The following TRIB3 variants were observed in gnomAD, a reference collection of about 807,000 sequenced individuals.
The protein encoded by TRIB3 is tribbles homolog 3.
A neutral mutation model predicts 16.6 loss-of-function variants in TRIB3; 20 were observed. The observed-to-expected ratio is 1.20, with a 90% CI of 0.85 to 1.75. The LOEUF (loss-of-function observed/expected upper bound fraction) is 1.75, where lower values mean the gene tolerates loss of function less well. Ranked by LOEUF, TRIB3 falls within the 40% of genes most tolerant of loss-of-function variation. The pLI, the probability that TRIB3 is intolerant of heterozygous loss-of-function variation, is 0.00. For missense variants in TRIB3, 484 were observed against 488.9 expected (o/e 0.99, Z 0.10); for synonymous variants, 208 against 217.0 (o/e 0.96, Z 0.36).
At chr20:384,646 GC>G (rs2014751382) in intron 1 of TRIB3, among the ~76,000 whole-genome samples, 2 of 152,226 alleles carry the variant, frequency 1.3e-5, no homozygotes, top group South Asian at 4.1e-4. Context: ...ACAGGCATGA[GC>G]CACTGCGCCC....
intron 3 of TRIB3, among the ~76,000 whole-genome samples, chr20:392,473 C>T (rs1353447354): frequency 1.3e-5 from 2 of 152,248 alleles, no homozygotes; most frequent in Non-Finnish European, 2.9e-5. Context: ...CTGAGGTTCC[C>T]CACACGGGAA....
intron 3 of TRIB3, among the ~76,000 whole-genome samples, chr20:393,066 T>C (rs2015023906): frequency 7.3e-5 from 7 of 95,900 alleles, no homozygotes. Context: ...TTTAGACTTT[T>C]AGAAAACCTA....
At chr20:388,476 C>T (rs1342208827) in intron 2 of TRIB3, among the ~76,000 whole-genome samples, 175 bp downstream of exon 2, 2 of 152,170 alleles carry the variant, frequency 1.3e-5, no homozygotes, top group African/African-American at 2.4e-5. Context: ...AACCAGAGGT[C>T]GTCCCAGTCC....
intron 1 of TRIB3, among the ~76,000 whole-genome samples, chr20:384,501 C>T (rs568758918): frequency 2.0e-4 from 30 of 152,152 alleles, no homozygotes; most frequent in African/African-American, 4.3e-4. Context: ...GTAGCTGGGA[C>T]TACAGGCATG....
At chr20:389,914 A>G (rs1212143749) in intron 2 of TRIB3, among the ~76,000 whole-genome samples, 1 of 152,148 alleles carries the variant, frequency 6.6e-6, no homozygotes, top group Non-Finnish European at 1.5e-5. Flanking sequence ...ATTCAACACA[A>G]CTTCATTGAG....
chr20:383,795 C>G (rs2014724088), intron 1 of TRIB3, among the ~76,000 whole-genome samples: 1 of 152,086 alleles, frequency 6.6e-6, no homozygotes, highest in South Asian at 2.1e-4. Flanking sequence ...ACCTTTTATC[C>G]TCCCACTAGC....
At chr20:391,719 T>A in intron 3 of TRIB3, 140 bp downstream of exon 3, 1 of 1,195,142 alleles carries the variant, frequency 8.4e-7, no homozygotes, top group Non-Finnish European at 1.1e-6. Context: ...CCTGTTTAGT[T>A]CCCTGAGAAG....
intron 3 of TRIB3, among the ~76,000 whole-genome samples, chr20:395,864 T>G (rs1307581934): frequency 1.3e-5 from 2 of 152,164 alleles, no homozygotes; most frequent in Admixed American, 6.5e-5. Context: ...TTCTCTCATC[T>G]TATTACCTGC....
chr20:386,796 C>T (rs1157366560), intron 1 of TRIB3, among the ~76,000 whole-genome samples: 1 of 152,084 alleles, frequency 6.6e-6, no homozygotes, highest in Non-Finnish European at 1.5e-5. Flanking sequence ...TGGTCTCAAA[C>T]TCCTGACCTC....
intron 1 of TRIB3, chr20:385,547 C>T (rs1312180568): frequency 6.6e-6 from 1 of 151,964 alleles, no homozygotes; most frequent in Admixed American, 6.6e-5. Flanking sequence ...ACAGCGGCAT[C>T]AACTTCACCT....
intron 3 of TRIB3, among the ~76,000 whole-genome samples, chr20:395,714 T>C (rs1188327718): frequency 6.6e-6 from 1 of 152,090 alleles, no homozygotes; most frequent in Non-Finnish European, 1.5e-5. Context: ...TTGCAGGCTG[T>C]AGCCTAGATA....
chr20:382,117 GTGT>G (rs1263268187), intron 1 of TRIB3, among the ~76,000 whole-genome samples: 1 of 137,870 alleles, frequency 7.3e-6, no homozygotes, highest in Non-Finnish European at 1.6e-5. Flanking sequence ...GTGTGTGTGT[GTGT>G]GTGTGTGCGT....
intron 1 of TRIB3, among the ~76,000 whole-genome samples, chr20:387,404 T>C (rs1326125954): frequency 1.3e-5 from 2 of 151,900 alleles, no homozygotes; most frequent in Non-Finnish European, 2.9e-5. Context: ...TACATACATA[T>C]ATATAACATA....
chr20:383,071 T>C (rs948126880), intron 1 of TRIB3, among the ~76,000 whole-genome samples: 14 of 152,208 alleles, frequency 9.2e-5, no homozygotes, highest in African/African-American at 3.1e-4. Context: ...GGTGGGCAGA[T>C]GGGTTCTAGA....
chr20:385,768 C>T (rs1334097026), intron 1 of TRIB3: 1 of 152,040 alleles, frequency 6.6e-6, no homozygotes, highest in Non-Finnish European at 1.5e-5. Context: ...CTAGGAAGAC[C>T]TCTCTTGACC....
rs2014880898 is a variant in TRIB3, at chr20:388,292, T to C, written c.282T>C (p.Tyr94=). ...TGCACTGCCCTACAGGCACTGAGTA[T>C]ACCTGCAAGGTACGTGCCCATGGGC... ...QALHCPTGTE[Y]TCKVYPVQEA... Residue 94 remains tyrosine (Y), a synonymous_variant, in exon 2 of 4, where the codon TAT becomes TAC. Transcript: ENST00000217233. 1 of 1,608,926 alleles carries C rather than the reference T, an allele frequency of 6.2e-7. No homozygotes were observed. Among genetic ancestry groups the C allele is most frequent in the Non-Finnish European group, 8.5e-7 (1 of 1,177,036 alleles).
At chr20:382,221 T>A (rs897051874) in intron 1 of TRIB3, among the ~76,000 whole-genome samples, 3 of 152,202 alleles carry the variant, frequency 2.0e-5, no homozygotes, top group Non-Finnish European at 4.4e-5. Context: ...TATTAGGGGC[T>A]GCTTTCATTC....
rs745734359 is a variant in TRIB3, at chr20:388,139, GC to G, written c.135del (p.Cys46AlafsTer5). Reference protein sequence around the residue: ...RARSGPQPRLPPCLLPLSPPT... With the variant: ...RARSGPQPRLXPCLLPLSPPT... ...CTCGAAGTGGGCCCCAGCCCAGACT[GC>G]CCCCCTGCCTGTTGCCCCTGAGCCC... On this transcript the variant is annotated frameshift_variant, in exon 2 of 4. Coordinates refer to ENST00000217233, the MANE Select transcript of TRIB3 (RefSeq NM_021158.5). LOFTEE classifies it high-confidence loss of function. 1.5e-4 allele frequency: 240 copies of G among 1,614,022 alleles called. 1 individual carries two copies. In the East Asian group the frequency reaches 3.4e-3, roughly 23 times the overall value.
chr20:392,594 T>G (rs1158977663), intron 3 of TRIB3, among the ~76,000 whole-genome samples: 1 of 151,918 alleles, frequency 6.6e-6, no homozygotes, highest in Non-Finnish European at 1.5e-5. Context: ...TCTCACTCTG[T>G]CACCCAGGCT....
Sources: allele counts gnomAD v4.1 joint callset (sites outside exome capture counted in the v4.1 genomes callset), GRCh38; gene constraint gnomAD v4.1.1; transcripts MANE v1.5; gene names NCBI Gene and HGNC (gene_info 2026-07-23, HGNC 2026-07-21).